The following INVS variants were observed in gnomAD, a reference collection of about 807,000 sequenced individuals.
INVS encodes the protein inversion of embryo turning homolog.
In INVS, 86 loss-of-function variants were observed where a neutral mutation model predicts 108.8. The ratio of observed to expected loss-of-function variants is 0.79; its 90% confidence interval spans 0.66 to 0.95. The LOEUF (loss-of-function observed/expected upper bound fraction) is 0.95, where lower values mean the gene tolerates loss of function less well. INVS is among the 40% of genes least tolerant of loss of function. The pLI is 0.00. For synonymous variants in INVS, 455 were observed against 473.5 expected (o/e 0.96, Z 0.51); for missense variants, 1,169 against 1,297.4 (o/e 0.90, Z 1.52).
chr9:100,216,184 AC>A (rs887780652), intron 3 of INVS, among the ~76,000 whole-genome samples: 2 of 152,154 alleles, frequency 1.3e-5, no homozygotes, highest in Admixed American at 1.3e-4. Context: ...TAATTTACCA[AC>A]TGTAGTCTTC....
chr9:100,256,798 T>C (rs189160899), intron 10 of INVS, among the ~76,000 whole-genome samples: 7 of 152,358 alleles, frequency 4.6e-5, no homozygotes, highest in Admixed American at 4.6e-4. Flanking sequence ...TTGTAATTTC[T>C]GTTCTTTTAC....
At chr9:100,200,592 G>C (rs1485749522) in intron 3 of INVS, among the ~76,000 whole-genome samples, 1 of 152,168 alleles carries the variant, frequency 6.6e-6, no homozygotes, top group Non-Finnish European at 1.5e-5. Context: ...TCAGTGGGAA[G>C]TCTGAAATAT....
chr9:100,229,878 A>G, intron 5 of INVS, 51 bp downstream of exon 5: 1 of 1,553,710 alleles, frequency 6.4e-7, no homozygotes, highest in Non-Finnish European at 8.9e-7. Flanking sequence ...TTTTTTTATT[A>G]TGAATTATTT....
rs567929778 is a variant in INVS at position 100,299,498 on chromosome 9, C to A, written c.3092-1070C>A. Reference sequence around the variant, plus strand: ...AATCCCTGCTCATGTCAGTCTTCTACACCCAGCCTTGCAAACCACCCACCA... The same window carrying A: ...AATCCCTGCTCATGTCAGTCTTCTAAACCCAGCCTTGCAAACCACCCACCA... On this transcript the variant is annotated intron_variant, in intron 16 of 16. Coordinates refer to ENST00000262457, the MANE Select transcript of INVS (RefSeq NM_014425.5). 2.0e-5 allele frequency among the ~76,000 whole-genome samples: 3 copies of A among 151,772 alleles called. No individual in the cohort carries two copies. The South Asian group carries it at 6.3e-4, about 32-fold the overall frequency.
At chr9:100,271,361 A>G (rs1418335578) in intron 11 of INVS, among the ~76,000 whole-genome samples, 1 of 152,198 alleles carries the variant, frequency 6.6e-6, no homozygotes, top group African/African-American at 2.4e-5. Flanking sequence ...TCTTCATTAT[A>G]TGGATGGCCT....
At chr9:100,116,063 T>G (rs190274471) in intron 2 of INVS, among the ~76,000 whole-genome samples, 72 of 152,252 alleles carry the variant, frequency 4.7e-4, no homozygotes, top group African/African-American at 1.7e-3. Flanking sequence ...TGAGCATTTT[T>G]TCATGTGTCT....
At chr9:100,262,408 G>T (rs1018456608) in intron 10 of INVS, among the ~76,000 whole-genome samples, 4 of 151,862 alleles carry the variant, frequency 2.6e-5, no homozygotes, top group African/African-American at 9.7e-5. Context: ...TAATTATTCA[G>T]ATTTTCTAAT....
chr9:100,179,917 A>G (rs576812312), intron 3 of INVS, among the ~76,000 whole-genome samples: 1 of 152,342 alleles, frequency 6.6e-6, no homozygotes, highest in South Asian at 2.1e-4. Flanking sequence ...AGCAAATGCA[A>G]AAGAATGGAA....
rs539019985 is a variant in INVS at position 100,135,711 on chromosome 9, A to G, written c.273+9162A>G. 7.2e-5 allele frequency among the ~76,000 whole-genome samples: 11 copies of G among 152,248 alleles called. No homozygotes were observed. In the South Asian group the frequency reaches 2.3e-3, roughly 32 times the overall value. On this transcript the variant is annotated intron_variant, in intron 3 of 16. Transcript: ENST00000262457. ...AGGAAGTTATCGAGTTCAGTTGTGA[A>G]AAATGGAATTTTAGGCTTCGGTGAT...
chr9:100,235,889 A>G (rs1281869988), intron 5 of INVS, among the ~76,000 whole-genome samples: 1 of 152,024 alleles, frequency 6.6e-6, no homozygotes, highest in Non-Finnish European at 1.5e-5. Context: ...TGTTCTCTGT[A>G]TTTCCTGAAT....
At chr9:100,161,472 T>G (rs934735249) in intron 3 of INVS, among the ~76,000 whole-genome samples, 1 of 151,718 alleles carries the variant, frequency 6.6e-6, no homozygotes, top group African/African-American at 2.4e-5. Context: ...GAAGTGGGCC[T>G]TATAATTCGT....
At chr9:100,118,208 T>C (rs1218914920) in intron 2 of INVS, among the ~76,000 whole-genome samples, 1 of 151,156 alleles carries the variant, frequency 6.6e-6, no homozygotes, top group Non-Finnish European at 1.5e-5. Flanking sequence ...AGCCAATTTT[T>C]GTTGTTGTTG....
intron 3 of INVS, among the ~76,000 whole-genome samples, chr9:100,164,463 A>C (rs1183153202): frequency 6.6e-6 from 1 of 152,122 alleles, no homozygotes; most frequent in Admixed American, 6.6e-5. Context: ...CTTCAAACAT[A>C]TTCAAAAATA....
At chr9:100,100,595 TGTACATATAATATATATAATATATG>T (rs1564111007) in intron 1 of INVS, among the ~76,000 whole-genome samples, 18 of 95,724 alleles carry the variant, frequency 1.9e-4, no homozygotes, top group African/African-American at 7.1e-4. Flanking sequence ...ATATAATATA[TGTACATATAATATATATAATATATG>T]TATATATAAT....
In INVS at chr9:100,242,699, G is replaced by C; in HGVS notation, c.906+20G>C. The C allele has an allele frequency of 7.4e-7, 1 of 1,344,768 alleles. No individual in the cohort carries two copies. Among genetic ancestry groups the C allele is most frequent in the Non-Finnish European group, 1.1e-6 (1 of 934,784 alleles). The allele number at this position is 1,344,768 out of a possible 1,614,324, so 83.3% of individuals were successfully genotyped here. A position where few individuals can be genotyped will look rare whatever the true frequency, so the allele number is the denominator to read the frequency against. On this transcript the variant is annotated intron_variant, in intron 7 of 16. Transcript: ENST00000262457. ...TTTGCTGTAAGTAAAACAAGACAATGCTCTTTTTTCTTAGTGAAAATTGTT... is the reference window on the plus strand; with the variant it reads ...TTTGCTGTAAGTAAAACAAGACAATCCTCTTTTTTCTTAGTGAAAATTGTT...
Position 100,292,568 on chromosome 9 carries a change from G to T in INVS, c.2311G>T (p.Asp771Tyr). 1 of 1,614,156 alleles carries T rather than the reference G, an allele frequency of 6.2e-7. No homozygotes were observed. Among genetic ancestry groups the T allele is most frequent in the South Asian group, 1.1e-5 (1 of 91,070 alleles). Residue 771 changes from aspartate to tyrosine, a missense_variant, in exon 14 of 17, where the codon GAT becomes TAT. Asp to Tyr is a radical substitution (Grantham distance 160, BLOSUM62 -3). Coordinates refer to ENST00000262457, the MANE Select transcript of INVS (RefSeq NM_014425.5). ...RRAAASLPPH[D>Y]SHWKPSRRHD... The stretch of plus-strand genomic sequence containing the variant: ...GGCAGCTGCAAGCCTTCCACCGCAC[G>T]ATAGCCACTGGAAGCCCAGCAGGCG...
intron 1 of INVS, among the ~76,000 whole-genome samples, chr9:100,100,420 T>C (rs1330630501): frequency 6.7e-6 from 1 of 149,972 alleles, no homozygotes; most frequent in Non-Finnish European, 1.5e-5. Context: ...CTTGTAAGTA[T>C]GAACTCATTA....
In INVS at chr9:100,166,462, G is replaced by A. The variant is rs994022661; in HGVS notation, c.273+39913G>A. Among the ~76,000 whole-genome samples the A allele has an allele frequency of 1.6e-4, 24 of 152,148 alleles. 1 individual carries two copies. The highest frequency in any genetic ancestry group is 1.6e-3 in the Admixed American group (24 of 15,276). On this transcript the variant is annotated intron_variant, in intron 3 of 16. Coordinates refer to ENST00000262457, the MANE Select transcript of INVS (RefSeq NM_014425.5). ...CACTTGAGCCTGGGAGGTCAGGGCTGCTGGGAGCCGTGCTCCCACCACTGT... is the reference window on the plus strand; with the variant it reads ...CACTTGAGCCTGGGAGGTCAGGGCTACTGGGAGCCGTGCTCCCACCACTGT...
At chr9:100,236,219 G>A (rs1242491272) in intron 5 of INVS, among the ~76,000 whole-genome samples, 2 of 152,196 alleles carry the variant, frequency 1.3e-5, no homozygotes, top group African/African-American at 2.4e-5. Flanking sequence ...GGTCATTTAT[G>A]TTCTTCTATA....
Sources: allele counts gnomAD v4.1 joint callset (sites outside exome capture counted in the v4.1 genomes callset), GRCh38; gene constraint gnomAD v4.1.1; transcripts MANE v1.5; gene names NCBI Gene and HGNC (gene_info 2026-07-23, HGNC 2026-07-21).